The following VEGFC variants were observed in gnomAD, a reference collection of about 807,000 sequenced individuals.
VEGFC encodes vascular endothelial growth factor C.
Under a neutral mutation model 46.1 loss-of-function variants are expected in VEGFC, and 12 were observed. The ratio of observed to expected loss-of-function variants is 0.26; its 90% CI spans 0.17 to 0.42. The LOEUF (loss-of-function observed/expected upper bound fraction) is 0.42, where lower values mean the gene tolerates loss of function less well. Ranked by LOEUF, VEGFC falls within the 10% of genes least tolerant of loss-of-function variation. The pLI is 1.00. For synonymous variants in VEGFC, 232 were observed against 195.5 expected (o/e 1.19, Z -1.56); for missense variants, 488 against 529.4 (o/e 0.92, Z 0.77).
intron 1 of VEGFC, among the ~76,000 whole-genome samples, chr4:176,735,873 T>C (rs930320503): frequency 2.0e-5 from 3 of 151,986 alleles, no homozygotes; most frequent in Non-Finnish European, 2.9e-5. Flanking sequence ...TATAAAATTG[T>C]TTCCTGTAAT....
intron 1 of VEGFC, among the ~76,000 whole-genome samples, chr4:176,747,132 A>G (rs1460188925): frequency 6.6e-6 from 1 of 152,118 alleles, no homozygotes; most frequent in Non-Finnish European, 1.5e-5. Context: ...ATCCTGTTAC[A>G]TCATGCATAA....
chr4:176,762,339 G>T (rs1735544274), intron 1 of VEGFC, among the ~76,000 whole-genome samples: 1 of 152,134 alleles, frequency 6.6e-6, no homozygotes, highest in African/African-American at 2.4e-5. Context: ...GGGCTTTCAT[G>T]TATCATGGGT....
chr4:176,755,074 A>T (rs1735409814), intron 1 of VEGFC, among the ~76,000 whole-genome samples: 1 of 152,020 alleles, frequency 6.6e-6, no homozygotes, highest in Admixed American at 6.6e-5. Flanking sequence ...CACAGTTTTC[A>T]TGTAGTTACT....
At chr4:176,779,101 T>C (rs925517622) in intron 1 of VEGFC, among the ~76,000 whole-genome samples, 1 of 152,158 alleles carries the variant, frequency 6.6e-6, no homozygotes, top group Non-Finnish European at 1.5e-5. Context: ...GCCATAAAAC[T>C]AGCTAATATT....
intron 4 of VEGFC, among the ~76,000 whole-genome samples, chr4:176,704,977 AC>A (rs11302732): frequency 0.95 from 143,960 of 152,208 alleles, 68,498 homozygotes; most frequent in Non-Finnish European, 1. Flanking sequence ...CTGTGGTCTA[AC>A]CACCTTATTA....
chr4:176,746,031 T>C (rs2110887035), intron 1 of VEGFC, among the ~76,000 whole-genome samples: 1 of 152,142 alleles, frequency 6.6e-6, no homozygotes, highest in East Asian at 1.9e-4. Flanking sequence ...ATTTGTGAGG[T>C]ATGCCAAGAA....
chr4:176,688,340 T>C (rs1734083878), intron 4 of VEGFC, among the ~76,000 whole-genome samples: 1 of 152,356 alleles, frequency 6.6e-6, no homozygotes, highest in African/African-American at 2.4e-5. Flanking sequence ...TAATATTCCA[T>C]ACAAAAGATG....
intron 1 of VEGFC, among the ~76,000 whole-genome samples, chr4:176,783,218 C>G (rs919717151): frequency 6.6e-6 from 1 of 152,206 alleles, no homozygotes; most frequent in Non-Finnish European, 1.5e-5. Flanking sequence ...AGACAGCACA[C>G]GCTGTACTAG....
rs2333531 is a variant in VEGFC at position 176,792,824 on chromosome 4, T to G, written c.-513A>C. 1 of 139,594 alleles carries G rather than the reference T, an allele frequency of 7.2e-6. No individual in the cohort carries two copies. Among genetic ancestry groups the G allele is most frequent in the Admixed American group, 7.3e-5 (1 of 13,672 alleles). The allele number at this position is 139,594 out of a possible 1,614,324, so 8.6% of individuals were successfully genotyped here. A position where few individuals can be genotyped will look rare whatever the true frequency, so the allele number is the denominator to read the frequency against. ...GGCGGGAGGAGGGCGGCGGGGCGGC[T>G]GGCGGCGGCGGGGCCCGGGAGCGCC... On this transcript the variant is annotated 5_prime_UTR_variant, in exon 1 of 7. Coordinates refer to ENST00000618562, the MANE Select transcript of VEGFC (RefSeq NM_005429.5). The surrounding 1 kb of genome is among the most constrained non-coding windows in gnomAD (Gnocchi z 6.3).
chr4:176,730,573 GC>G (rs557790534), intron 1 of VEGFC, among the ~76,000 whole-genome samples: 130 of 152,108 alleles, frequency 8.5e-4, no homozygotes, highest in African/African-American at 3.0e-3. Flanking sequence ...GATTATCCCA[GC>G]TTTTAAATAT....
chr4:176,766,012 A>C (rs1179464679), intron 1 of VEGFC, among the ~76,000 whole-genome samples: 1 of 152,200 alleles, frequency 6.6e-6, no homozygotes, highest in African/African-American at 2.4e-5. Flanking sequence ...ATACACAGAA[A>C]AAAAAAGACA....
rs1734055982 is a variant in VEGFC at position 176,687,180 on chromosome 4, C to T, written c.1145+7G>A. The T allele has an allele frequency of 6.2e-7, 1 of 1,607,140 alleles. No individual in the cohort carries two copies. Among genetic ancestry groups the T allele is most frequent in the Non-Finnish European group, 8.5e-7 (1 of 1,177,238 alleles). On this transcript the variant is annotated splice_region_variant and intron_variant, in intron 6 of 6. Transcript: ENST00000618562. ...ATAAATTAATATTCTTCATGAGGAT[C>T]TCTTACCTGCATGTTTGGTGGTGGA...
chr4:176,779,469 G>T (rs531459397), intron 1 of VEGFC, among the ~76,000 whole-genome samples: 48 of 152,082 alleles, frequency 3.2e-4, no homozygotes, highest in Non-Finnish European at 6.6e-4. Context: ...AGAATAAAAG[G>T]AAAGAAAAGA....
intron 1 of VEGFC, among the ~76,000 whole-genome samples, 187 bp from the exon 2 acceptor site, chr4:176,729,933 A>G (rs942471762): frequency 1.2e-4 from 18 of 152,204 alleles, no homozygotes; most frequent in Non-Finnish European, 2.5e-4. Flanking sequence ...TATGAACCAA[A>G]ACAATTAAAA....
In VEGFC at chr4:176,778,580, C is replaced by A. The variant is rs151082093; in HGVS notation, c.147+13585G>T. Among the ~76,000 whole-genome samples the A allele has an allele frequency of 2.0e-5, 3 of 152,150 alleles. No homozygotes were observed. In the East Asian group the frequency reaches 5.8e-4, roughly 29 times the overall value. ...AATGTTGGATCAAGTAGGAATAACC[C>A]AATTAAATAATTTTAGCTAAATCAT... On this transcript the variant is annotated intron_variant, in intron 1 of 6. Coordinates refer to ENST00000618562, the MANE Select transcript of VEGFC (RefSeq NM_005429.5).
intron 1 of VEGFC, among the ~76,000 whole-genome samples, chr4:176,735,589 A>G (rs2111024671): frequency 6.6e-6 from 1 of 151,994 alleles, no homozygotes; most frequent in Middle Eastern, 3.4e-3. Flanking sequence ...TTAAATTCCT[A>G]TTTTTGCCCA....
At chr4:176,718,087 T>C (rs1162278575) in intron 3 of VEGFC, among the ~76,000 whole-genome samples, 3 of 152,142 alleles carry the variant, frequency 2.0e-5, no homozygotes, top group African/African-American at 7.2e-5. Flanking sequence ...TCATTGTACC[T>C]TGGGTTGGAA....
At chr4:176,761,551 A>G (rs1040404473) in intron 1 of VEGFC, among the ~76,000 whole-genome samples, 2 of 152,190 alleles carry the variant, frequency 1.3e-5, no homozygotes, top group African/African-American at 4.8e-5. Flanking sequence ...TGCTCCCTAA[A>G]TAAACAAGGA....
rs745769667 is a variant in VEGFC at position 176,687,351 on chromosome 4, T to G, written c.981A>C (p.Gln327His). ...CVCKNKLFPS[Q>H]CGANREFDEN... ...CATCAAATTCTCGGTTGGCCCCACA[T>G]TGGCTGGGGAAGAGTTTGTTTTTAC... Residue 327 changes from glutamine to histidine, a missense_variant, in exon 6 of 7, where the codon CAA becomes CAC. By Grantham distance (24) the Gln-to-His change is conservative. Coordinates refer to ENST00000618562, the MANE Select transcript of VEGFC (RefSeq NM_005429.5). 6 of 1,614,060 alleles carry G rather than the reference T, an allele frequency of 3.7e-6. No homozygotes were observed. Among genetic ancestry groups the G allele is most frequent in the Middle Eastern group, 1.6e-4 (1 of 6,084 alleles).
Sources: gnomAD v4.1 joint callset for allele counts (sites outside exome capture counted in the v4.1 genomes callset) on GRCh38, gnomAD v4.1.1 for gene constraint, Gnocchi (gnomAD v3.1) non-coding constraint, MANE v1.5 for transcripts, NCBI Gene and HGNC (gene_info 2026-07-23, HGNC 2026-07-21) for gene names.